NBEA: variants seen among roughly 807,000 people sequenced by gnomAD.
NBEA encodes neurobeachin, also known as lysosomal-trafficking regulator 2.
In NBEA, 44 loss-of-function variants were observed where a neutral mutation model predicts 343.4. The ratio of observed to expected loss-of-function variants is 0.13; its 90% CI spans 0.10 to 0.16. The LOEUF is 0.16. Ranked by LOEUF, NBEA falls within the 10% of genes least tolerant of loss-of-function variation. The pLI, the probability that NBEA is intolerant of heterozygous loss-of-function variation, is 1.00. For synonymous variants in NBEA, 1,175 were observed against 1,238.7 expected (o/e 0.95, Z 1.08); for missense variants, 2,555 against 3,631.3 (o/e 0.70, Z 7.62).
At chr13:35,519,490 C>CT (rs1346398066) in intron 41 of NBEA, among the ~76,000 whole-genome samples, 1 of 151,946 alleles carries the variant, frequency 6.6e-6, no homozygotes. Context: ...TAAAGATTTT[C>CT]TTTTTATTTT....
At chr13:35,308,524 A>ATATATATT (rs2037108698) in intron 35 of NBEA, among the ~76,000 whole-genome samples, 1 of 117,614 alleles carries the variant, frequency 8.5e-6, no homozygotes, top group South Asian at 2.4e-4. Context: ...GTATATATGT[A>ATATATATT]TATATATGTA....
intron 41 of NBEA, among the ~76,000 whole-genome samples, chr13:35,486,361 A>G (rs1448481411): frequency 6.6e-6 from 1 of 152,138 alleles, no homozygotes; most frequent in Non-Finnish European, 1.5e-5. Context: ...TACCTATTAA[A>G]TGAGATAATG....
chr13:35,105,534 A>G (rs1232917966), intron 11 of NBEA, among the ~76,000 whole-genome samples: 1 of 152,030 alleles, frequency 6.6e-6, no homozygotes, highest in African/African-American at 2.4e-5. Flanking sequence ...CATCCAGGTG[A>G]AGAAAGCGAG....
intron 11 of NBEA, among the ~76,000 whole-genome samples, chr13:35,102,961 G>A (rs866692566): frequency 2.0e-5 from 3 of 151,494 alleles, no homozygotes; most frequent in African/African-American, 7.3e-5. Context: ...TGATCTCATG[G>A]GCAATGCTTT....
chr13:35,530,502 GT>G lies in NBEA; in HGVS notation c.6586-19973del, dbSNP rs1232108640. ...AGCCCAAGCTGTAGGGGCCCTTCTT[GT>G]TGGTTTAAACCAGGGCCTTGTTTTG... On this transcript the variant is annotated intron_variant, in intron 41 of 58. Transcript: ENST00000379939. Among the ~76,000 whole-genome samples the G allele has an allele frequency of 2.6e-5, 4 of 152,310 alleles. No homozygotes were observed. The East Asian group carries it at 7.7e-4, about 29-fold the overall frequency.
At chr13:35,295,316 A>G (rs1566579493) in intron 35 of NBEA, among the ~76,000 whole-genome samples, 1 of 151,836 alleles carries the variant, frequency 6.6e-6, no homozygotes, top group Non-Finnish European at 1.5e-5. Context: ...TGGATAGTTC[A>G]TGATCATTGA....
At position 35,164,488 on chromosome 13, in the gene NBEA, C is replaced by T. The variant is rs571479766; in HGVS notation, c.4212C>T (p.Leu1404=). ...CTTGTGGAGGAATTTTACCTTTGCT[C>T]TCTGCTGCTACATCACCAACTGTAA... ...IIACGGILPL[L]SAATSPTGSK... The change falls in exon 24 of 59, where the codon CTC becomes CTT. Residue 1404 remains leucine (L), a synonymous_variant. Transcript: ENST00000379939. 523 of 1,610,724 alleles carry T rather than the reference C, an allele frequency of 3.2e-4. 13 individuals are homozygous for T. In the South Asian group the frequency reaches 3.6e-3, roughly 11 times the overall value.
At chr13:35,432,536 A>G (rs2045189523) in intron 39 of NBEA, 143 bp downstream of exon 39, 2 of 698,574 alleles carry the variant, frequency 2.9e-6, no homozygotes, top group Non-Finnish European at 4.2e-6. Flanking sequence ...TTTATCCTTC[A>G]GCATCATTTA....
chr13:35,460,484 A>T (rs554332864), intron 40 of NBEA, among the ~76,000 whole-genome samples: 14 of 152,352 alleles, frequency 9.2e-5, no homozygotes, highest in African/African-American at 3.1e-4. Context: ...TAATTTTTAT[A>T]TCAGTTAAGG....
At chr13:35,471,313 T>C (rs941709669) in intron 40 of NBEA, among the ~76,000 whole-genome samples, 1 of 152,076 alleles carries the variant, frequency 6.6e-6, no homozygotes, top group Non-Finnish European at 1.5e-5. Flanking sequence ...GCGAGGGCTC[T>C]CCGCCCGGAG....
chr13:35,299,236 C>CT (rs1226355928), intron 35 of NBEA, among the ~76,000 whole-genome samples: 19 of 152,218 alleles, frequency 1.2e-4, no homozygotes, highest in African/African-American at 4.6e-4. Context: ...TCAATTTACT[C>CT]TACCATTTTT....
At chr13:35,047,229 A>AT (rs953765823) in intron 4 of NBEA, among the ~76,000 whole-genome samples, 13 of 130,618 alleles carry the variant, frequency 1.0e-4, no homozygotes, top group Admixed American at 2.9e-4. Flanking sequence ...GTGTGTGTGT[A>AT]TTTTTTTTAA....
At chr13:34,988,026 T>C (rs1009174661) in intron 1 of NBEA, among the ~76,000 whole-genome samples, 18 of 151,170 alleles carry the variant, frequency 1.2e-4, no homozygotes, top group African/African-American at 4.1e-4. Context: ...TCCATGCAGC[T>C]TTGTTCTTTG....
intron 1 of NBEA, among the ~76,000 whole-genome samples, chr13:35,000,591 AT>A (rs1373130524): frequency 1.5e-4 from 6 of 39,374 alleles, no homozygotes; most frequent in Admixed American, 4.3e-4. Context: ...TATAATATAT[AT>A]AACACACACA....
chr13:35,657,697 T>G (rs1201729022), intron 55 of NBEA, among the ~76,000 whole-genome samples: 1 of 152,206 alleles, frequency 6.6e-6, no homozygotes, highest in Non-Finnish European at 1.5e-5. Flanking sequence ...AAAGTTTAAT[T>G]AAGCAGCAGG....
At chr13:35,422,673 G>A (rs947688557) in intron 38 of NBEA, among the ~76,000 whole-genome samples, 9 of 152,070 alleles carry the variant, frequency 5.9e-5, no homozygotes, top group Non-Finnish European at 1.3e-4. Flanking sequence ...CAGTAATGGG[G>A]TGGCTGGGTC....
At chr13:35,068,918 A>G (rs976380190) in intron 8 of NBEA, among the ~76,000 whole-genome samples, 4 of 152,172 alleles carry the variant, frequency 2.6e-5, no homozygotes, top group African/African-American at 9.7e-5. Flanking sequence ...GGAAGTCCCC[A>G]TCTGGCCCAA....
intron 1 of NBEA, among the ~76,000 whole-genome samples, chr13:34,950,023 G>A (rs2059301594): frequency 1.3e-5 from 2 of 152,114 alleles, no homozygotes; most frequent in Non-Finnish European, 2.9e-5. Context: ...TGGCTGCCTA[G>A]CATCCATTCT....
At chr13:35,501,964 C>T (rs2076907692) in intron 41 of NBEA, among the ~76,000 whole-genome samples, 1 of 152,058 alleles carries the variant, frequency 6.6e-6, no homozygotes, top group South Asian at 2.1e-4. Flanking sequence ...CATCCTTCCA[C>T]AGAGAAAAAG....
Sources: gnomAD v4.1 joint callset for allele counts (sites outside exome capture counted in the v4.1 genomes callset) on GRCh38, gnomAD v4.1.1 for gene constraint, MANE v1.5 for transcripts, NCBI Gene and HGNC (gene_info 2026-07-23, HGNC 2026-07-21) for gene names.